ALPK1: variants seen among roughly 807,000 people sequenced by gnomAD.
ALPK1 encodes alpha-protein kinase 1.
In ALPK1, 110 loss-of-function variants were observed where a neutral mutation model predicts 120.6. The ratio of observed to expected loss-of-function variants is 0.91; its 90% confidence interval spans 0.78 to 1.07. The LOEUF (loss-of-function observed/expected upper bound fraction) is 1.07, where lower values mean the gene tolerates loss of function less well. ALPK1 is among the 50% of genes least tolerant of loss of function. The pLI is 0.00. For missense variants in ALPK1, 1,498 were observed against 1,483.9 expected (o/e 1.01, Z -0.16); for synonymous variants, 582 against 560.3 (o/e 1.04, Z -0.55).
chr4:112,348,403 G>A (rs1459287260), intron 2 of ALPK1, among the ~76,000 whole-genome samples: 3 of 152,332 alleles, frequency 2.0e-5, no homozygotes, highest in Middle Eastern at 3.4e-3. Context: ...GCGCGGTGTC[G>A]AGAGGTAAGT....
At chr4:112,392,100 A>C (rs552335522) in intron 4 of ALPK1, among the ~76,000 whole-genome samples, 1 of 152,350 alleles carries the variant, frequency 6.6e-6, no homozygotes, top group Admixed American at 6.5e-5. Flanking sequence ...GATTGGGAAA[A>C]ACATATCACT....
chr4:112,345,489 C>T (rs118111793), intron 2 of ALPK1, among the ~76,000 whole-genome samples: 1 of 152,198 alleles, frequency 6.6e-6, no homozygotes, highest in East Asian at 1.9e-4. Flanking sequence ...CTTCATTTTG[C>T]AGAGTAGTGG....
chr4:112,314,876 CTTTTTT>C (rs763492984), intron 1 of ALPK1, among the ~76,000 whole-genome samples: 1 of 99,624 alleles, frequency 1.0e-5, no homozygotes, highest in Non-Finnish European at 1.9e-5. Flanking sequence ...AATCCATTGC[CTTTTTT>C]TTTTTTTTTT....
chr4:112,315,538 C>T (rs1394071127), intron 1 of ALPK1, among the ~76,000 whole-genome samples: 1 of 152,150 alleles, frequency 6.6e-6, no homozygotes, highest in Non-Finnish European at 1.5e-5. Context: ...AGAGGTTTGT[C>T]CCCAGTCAAG....
intron 2 of ALPK1, among the ~76,000 whole-genome samples, chr4:112,335,048 A>G (rs530338903): frequency 6.6e-6 from 1 of 152,286 alleles, no homozygotes; most frequent in African/African-American, 2.4e-5. Flanking sequence ...ACCTGAGGTC[A>G]GGAGTTTGAG....
At chr4:112,298,316 C>A (rs1012355247) in intron 1 of ALPK1, among the ~76,000 whole-genome samples, 4 of 151,852 alleles carry the variant, frequency 2.6e-5, no homozygotes, top group Non-Finnish European at 4.4e-5. Context: ...GCCACTAATT[C>A]TCTTATAAGA....
intron 8 of ALPK1, 37 bp downstream of exon 8, chr4:112,426,580 A>G (rs1734247357): frequency 6.9e-7 from 1 of 1,443,094 alleles, no homozygotes; most frequent in South Asian, 1.5e-5. Context: ...CCTTTCCTGT[A>G]TTTGTCTTTG....
chr4:112,349,204 A>C (rs1329378372), intron 2 of ALPK1, among the ~76,000 whole-genome samples: 12 of 152,326 alleles, frequency 7.9e-5, no homozygotes, highest in Non-Finnish European at 1.3e-4. Context: ...AGATAATCCC[A>C]GTGGCAAAAA....
At chr4:112,423,051 C>T (rs1046182025) in intron 5 of ALPK1, among the ~76,000 whole-genome samples, 4 of 152,142 alleles carry the variant, frequency 2.6e-5, no homozygotes, top group Non-Finnish European at 4.4e-5. Flanking sequence ...TGCAAACGAG[C>T]GTGAAGAATG....
At chr4:112,378,799 G>C (rs564199602) in intron 3 of ALPK1, among the ~76,000 whole-genome samples, 1 of 152,256 alleles carries the variant, frequency 6.6e-6, no homozygotes, top group Non-Finnish European at 1.5e-5. Context: ...CTTTTCTCCT[G>C]AGTTCTTGTA....
chr4:112,327,704 CA>C (rs1729178134), intron 2 of ALPK1, among the ~76,000 whole-genome samples: 1 of 152,128 alleles, frequency 6.6e-6, no homozygotes, highest in Non-Finnish European at 1.5e-5. Flanking sequence ...CTTGGCCTCC[CA>C]AAGCACTGGG....
intron 2 of ALPK1, among the ~76,000 whole-genome samples, chr4:112,326,707 GA>G (rs1015833041): frequency 2.0e-4 from 31 of 152,174 alleles, no homozygotes; most frequent in African/African-American, 7.5e-4. Context: ...AACCTCCGAA[GA>G]AAAATGTGAC....
chr4:112,327,547 G>A (rs1349523493), intron 2 of ALPK1, among the ~76,000 whole-genome samples: 4 of 152,062 alleles, frequency 2.6e-5, no homozygotes, highest in South Asian at 2.1e-4. Context: ...GGATCCCCCC[G>A]ACCTCAGCCT....
At chr4:112,372,159 G>A (rs1347339733) in intron 2 of ALPK1, among the ~76,000 whole-genome samples, 1 of 151,186 alleles carries the variant, frequency 6.6e-6, no homozygotes, top group Non-Finnish European at 1.5e-5. Flanking sequence ...TACAGTAACT[G>A]AGTAATTAAA....
intron 2 of ALPK1, among the ~76,000 whole-genome samples, chr4:112,323,464 C>A (rs748651245): frequency 2.2e-4 from 33 of 152,128 alleles, no homozygotes; most frequent in Non-Finnish European, 3.8e-4. Context: ...CAGATCCTGG[C>A]ACATAGCAGG....
intron 1 of ALPK1, among the ~76,000 whole-genome samples, chr4:112,303,710 C>A (rs1324346373): frequency 6.6e-6 from 1 of 151,806 alleles, no homozygotes; most frequent in Non-Finnish European, 1.5e-5. Flanking sequence ...CTTCCCCAGC[C>A]ACATCTTTTT....
At chr4:112,386,969 C>T (rs1047249349) in intron 4 of ALPK1, among the ~76,000 whole-genome samples, 5 of 152,154 alleles carry the variant, frequency 3.3e-5, no homozygotes, top group African/African-American at 9.6e-5. Context: ...TTTCAAGTGT[C>T]GGAGAAGGGC....
intron 2 of ALPK1, chr4:112,357,817 GAA>G: frequency 9.7e-7 from 1 of 1,035,070 alleles, no homozygotes; most frequent in Non-Finnish European, 1.5e-6. Context: ...TCCCATCATG[GAA>G]AAGAGCCTGG....
At chr4:112,335,197 G>A (rs868344913) in intron 2 of ALPK1, among the ~76,000 whole-genome samples, 7 of 151,594 alleles carry the variant, frequency 4.6e-5, no homozygotes, top group African/African-American at 7.3e-5. Context: ...CGGAGGTTGC[G>A]GTGAGTCAAG....
Sources: gnomAD v4.1 joint callset for allele counts (sites outside exome capture counted in the v4.1 genomes callset) on GRCh38, gnomAD v4.1.1 for gene constraint, MANE v1.5 for transcripts, NCBI Gene and HGNC (gene_info 2026-07-23, HGNC 2026-07-21) for gene names.